ZNF804A: variants seen among roughly 807,000 people sequenced by gnomAD.
The protein encoded by ZNF804A is zinc finger protein 804A.
ZNF804A carries 2 observed loss-of-function variants against 16.5 expected under a neutral mutation model. The observed-to-expected ratio is 0.12, with a 90% CI of 0.05 to 0.38. The LOEUF (loss-of-function observed/expected upper bound fraction) is 0.38, where lower values mean the gene tolerates loss of function less well. Ranked by LOEUF, ZNF804A falls within the 10% of genes least tolerant of loss-of-function variation. ZNF804A has a pLI of 0.99. For missense variants in ZNF804A, 1,473 were observed against 1,390.7 expected, an observed-to-expected ratio of 1.06 and a Z score of -0.94; for synonymous variants, 534 against 489.6, an observed-to-expected ratio of 1.09 and a Z score of -1.20.
At chr2:184,923,862 G>C (rs1685569828) in intron 2 of ZNF804A, among the ~76,000 whole-genome samples, 1 of 151,928 alleles carries the variant, frequency 6.6e-6, no homozygotes, top group South Asian at 2.1e-4. Flanking sequence ...TGATTGACTT[G>C]CCTGTGTTAA....
At chr2:184,615,988 G>T (rs1261605710) in intron 1 of ZNF804A, among the ~76,000 whole-genome samples, 2 of 152,062 alleles carry the variant, frequency 1.3e-5, no homozygotes, top group Non-Finnish European at 2.9e-5. Flanking sequence ...TGACCATTTT[G>T]GTTCCTCAAT....
intron 2 of ZNF804A, among the ~76,000 whole-genome samples, chr2:184,900,079 T>G (rs1685154434): frequency 6.6e-6 from 1 of 152,124 alleles, no homozygotes; most frequent in South Asian, 2.1e-4. Context: ...AGAAAAATTT[T>G]TACATGAGAG....
At chr2:184,718,957 A>G (rs927830771) in intron 1 of ZNF804A, among the ~76,000 whole-genome samples, 2 of 152,130 alleles carry the variant, frequency 1.3e-5, no homozygotes, top group African/African-American at 2.4e-5. Flanking sequence ...CTCTGACCCC[A>G]CATTACCTTG....
chr2:184,906,417 G>A (rs1315193614), intron 2 of ZNF804A, among the ~76,000 whole-genome samples: 3 of 152,012 alleles, frequency 2.0e-5, no homozygotes, highest in Non-Finnish European at 4.4e-5. Flanking sequence ...TTCCACCTCA[G>A]GTTCCCCGAG....
At chr2:184,736,851 AT>A (rs769474014) in intron 1 of ZNF804A, among the ~76,000 whole-genome samples, 25 of 144,846 alleles carry the variant, frequency 1.7e-4, no homozygotes, top group Non-Finnish European at 2.9e-4. Context: ...TAGAACTCGT[AT>A]TTCTTCTTTT....
chr2:184,775,478 C>T (rs1001073934), intron 1 of ZNF804A, among the ~76,000 whole-genome samples: 17 of 151,296 alleles, frequency 1.1e-4, no homozygotes, highest in South Asian at 8.3e-4. Context: ...ATAGAGTGGC[C>T]GGTGCCATTT....
chr2:184,684,296 T>C (rs571801820), intron 1 of ZNF804A, among the ~76,000 whole-genome samples: 3 of 152,288 alleles, frequency 2.0e-5, no homozygotes, highest in Admixed American at 6.5e-5. Context: ...ACAGTAGGGG[T>C]ACACAAATAA....
chr2:184,703,077 G>A (rs1293033057), intron 1 of ZNF804A, among the ~76,000 whole-genome samples: 2 of 151,950 alleles, frequency 1.3e-5, no homozygotes, highest in African/African-American at 4.8e-5. Context: ...CAATTTAATT[G>A]CAATATAACC....
chr2:184,605,157 C>A (rs1257411152), intron 1 of ZNF804A, among the ~76,000 whole-genome samples: 1 of 151,964 alleles, frequency 6.6e-6, no homozygotes, highest in Non-Finnish European at 1.5e-5. Flanking sequence ...AGTTTCCTAT[C>A]GTGTCCATTT....
intron 1 of ZNF804A, among the ~76,000 whole-genome samples, chr2:184,686,573 T>C (rs1692637462): frequency 6.6e-6 from 1 of 152,208 alleles, no homozygotes; most frequent in African/African-American, 2.4e-5. Flanking sequence ...AATGGGAGCA[T>C]TGAGTTGAAT....
intron 1 of ZNF804A, among the ~76,000 whole-genome samples, chr2:184,792,553 A>G (rs1694566715): frequency 6.6e-6 from 1 of 152,074 alleles, no homozygotes; most frequent in Non-Finnish European, 1.5e-5. Context: ...TATATCTTGA[A>G]TATATTCTCT....
intron 1 of ZNF804A, among the ~76,000 whole-genome samples, chr2:184,847,308 C>T (rs143250426): frequency 3.4e-4 from 52 of 152,048 alleles, no homozygotes; most frequent in Middle Eastern, 6.8e-3. Flanking sequence ...CATCTAAATG[C>T]GTGTTTTTAG....
At chr2:184,641,632 T>C (rs1394620658) in intron 1 of ZNF804A, among the ~76,000 whole-genome samples, 1 of 152,214 alleles carries the variant, frequency 6.6e-6, no homozygotes, top group Non-Finnish European at 1.5e-5. Context: ...CACATATATA[T>C]CATTGCACAA....
intron 1 of ZNF804A, among the ~76,000 whole-genome samples, chr2:184,668,166 A>G (rs1692280179): frequency 6.6e-6 from 1 of 151,826 alleles, no homozygotes; most frequent in Non-Finnish European, 1.5e-5. Context: ...AAAATGTTTA[A>G]TAAATTATAA....
At chr2:184,710,881 C>G (rs1262554243) in intron 1 of ZNF804A, among the ~76,000 whole-genome samples, 1 of 151,726 alleles carries the variant, frequency 6.6e-6, no homozygotes. Context: ...TATGTCTATG[C>G]CATGTTTTAT....
At chr2:184,865,603 C>G (rs1695867752) in intron 1 of ZNF804A, among the ~76,000 whole-genome samples, 1 of 152,118 alleles carries the variant, frequency 6.6e-6, no homozygotes, top group South Asian at 2.1e-4. Flanking sequence ...TTAAAATCCA[C>G]AGTCAAACAT....
intron 2 of ZNF804A, among the ~76,000 whole-genome samples, chr2:184,925,151 T>A (rs1199421391): frequency 6.6e-6 from 1 of 152,030 alleles, no homozygotes; most frequent in African/African-American, 2.4e-5. Context: ...TCTCCAGCTG[T>A]TATTGTACTG....
chr2:184,831,411 C>T (rs1423740753), intron 1 of ZNF804A, among the ~76,000 whole-genome samples: 1 of 151,846 alleles, frequency 6.6e-6, no homozygotes, highest in Non-Finnish European at 1.5e-5. Flanking sequence ...AAGTTTCAAC[C>T]AAAGGAGATA....
intron 1 of ZNF804A, among the ~76,000 whole-genome samples, chr2:184,740,982 C>T (rs1012782188): frequency 6.6e-6 from 1 of 151,924 alleles, no homozygotes; most frequent in African/African-American, 2.4e-5. Context: ...TAATAGATGT[C>T]GGTTGTAAAA....
Sources: allele counts gnomAD v4.1 joint callset (sites outside exome capture counted in the v4.1 genomes callset), GRCh38; gene constraint gnomAD v4.1.1; transcripts MANE v1.5; gene names NCBI Gene and HGNC (gene_info 2026-07-23, HGNC 2026-07-21).